SLC12A1: variants seen among roughly 807,000 people sequenced by gnomAD.
SLC12A1 encodes the protein solute carrier family 12 member 1.
A neutral mutation model predicts 130.4 loss-of-function variants in SLC12A1; 89 were observed. The ratio of observed to expected loss-of-function variants is 0.68; its 90% CI spans 0.58 to 0.81. The LOEUF is 0.81. Among genes scored for constraint, SLC12A1 ranks in the 40% least tolerant of loss-of-function variants. The pLI is 0.00. For synonymous variants in SLC12A1, 499 were observed against 460.0 expected (o/e 1.08, Z -1.09); for missense variants, 1,310 against 1,336.4 (o/e 0.98, Z 0.31).
rs147084593 is a variant in SLC12A1 at position 48,269,806 on chromosome 15, C to T, written c.2402+42C>T. ...AAGACGTGTTCTTGTTTATAAAGCA[C>T]TAAGCAGGGCAGTACATAACTTGTA... On this transcript the variant is annotated intron_variant, in intron 19 of 26. Transcript: ENST00000380993. The T allele has an allele frequency of 9.2e-5, 101 of 1,094,356 alleles. No individual in the cohort carries two copies. In the African/African-American group the frequency reaches 1.4e-3, roughly 16 times the overall value. The allele number at this position is 1,094,356 out of a possible 1,614,324, so 67.8% of individuals were successfully genotyped here.
chr15:48,247,107 T>G (rs2041591839), intron 12 of SLC12A1, 91 bp downstream of exon 12: 1 of 1,109,952 alleles, frequency 9.0e-7, no homozygotes, highest in Non-Finnish European at 1.4e-6. Context: ...CTGGCAATCA[T>G]TTTCCATCAT....
chr15:48,301,096 T>C (rs1020158707), intron 25 of SLC12A1, among the ~76,000 whole-genome samples: 5 of 152,244 alleles, frequency 3.3e-5, no homozygotes, highest in African/African-American at 4.8e-5. Context: ...TAAGCCACTA[T>C]AGCACAATGA....
intron 3 of SLC12A1, 57 bp downstream of exon 3, chr15:48,220,822 T>C: frequency 2.5e-6 from 4 of 1,612,018 alleles, no homozygotes; most frequent in Non-Finnish European, 3.4e-6. Context: ...TCTAGTGGAT[T>C]AAGAGTGAAC....
Position 48,249,665 on chromosome 15 carries a change from C to G in SLC12A1, c.1775C>G (p.Ala592Gly). Residue 592 changes from alanine to glycine, a missense_variant, in exon 14 of 27, where the codon GCC (alanine) becomes GGC (glycine). Transcript: ENST00000380993. ...TTCTCCTGCTTCCATGCCTCTTATG[C>G]CAAATCTCCAGGTAAGCTGACTTCC... ...INFSCFHASY[A>G]KSPGWRPAYG... The G allele has an allele frequency of 6.2e-7, 1 of 1,612,044 alleles. No homozygotes were observed. The highest frequency in any genetic ancestry group is 8.5e-7 in the Non-Finnish European group (1 of 1,178,204).
At chr15:48,255,148 T>A (rs1029561729) in intron 15 of SLC12A1, among the ~76,000 whole-genome samples, 4 of 150,548 alleles carry the variant, frequency 2.7e-5, no homozygotes, top group Non-Finnish European at 5.9e-5. Flanking sequence ...CCTTCCAGTT[T>A]AAGAATTTGG....
rs1341677089 is a variant in SLC12A1, at chr15:48,241,373, A to T, written c.1216-142A>T. 7 of 693,934 alleles carry T rather than the reference A, an allele frequency of 1.0e-5. No homozygotes were observed. In the East Asian group the frequency reaches 1.8e-4, roughly 18 times the overall value. 43.0% of individuals were successfully genotyped at this position (693,934 alleles called of 1,614,324 possible). A position where few individuals can be genotyped will look rare whatever the true frequency, so the allele number is the denominator to read the frequency against. On this transcript the variant is annotated intron_variant, in intron 9 of 26. Coordinates refer to ENST00000380993, the MANE Select transcript of SLC12A1 (RefSeq NM_000338.3). ...GTCCAAAATAAAGCTCAAGCTCATC[A>T]ACTTGCTGTTTGCTTGATCTTTTCT...
At chr15:48,262,107 A>G (rs1024760662) in intron 17 of SLC12A1, among the ~76,000 whole-genome samples, 6 of 152,182 alleles carry the variant, frequency 3.9e-5, no homozygotes, top group African/African-American at 1.4e-4. Context: ...ATTACCTTCA[A>G]TAAAAACCTA....
chr15:48,280,890 C>A (rs922723892), intron 20 of SLC12A1, among the ~76,000 whole-genome samples: 1 of 152,112 alleles, frequency 6.6e-6, no homozygotes, highest in African/African-American at 2.4e-5. Flanking sequence ...CTTCACAACT[C>A]TGCACTTGTT....
chr15:48,208,755 C>T (rs1472598013), intron 2 of SLC12A1, among the ~76,000 whole-genome samples: 2 of 152,168 alleles, frequency 1.3e-5, no homozygotes, highest in Admixed American at 6.5e-5. Context: ...GCTGGTTTCA[C>T]GTCAGTATTA....
intron 20 of SLC12A1, among the ~76,000 whole-genome samples, chr15:48,282,918 GT>G (rs776764436): frequency 6.6e-6 from 1 of 152,270 alleles, no homozygotes; most frequent in East Asian, 1.9e-4. Flanking sequence ...TATGAACCCT[GT>G]AACTTGCTGG....
intron 13 of SLC12A1, among the ~76,000 whole-genome samples, chr15:48,247,765 A>G (rs1363284261): frequency 6.6e-6 from 1 of 152,128 alleles, no homozygotes; most frequent in Non-Finnish European, 1.5e-5. Flanking sequence ...CAGCTGCCAT[A>G]TCTACTGACC....
intron 13 of SLC12A1, among the ~76,000 whole-genome samples, 161 bp downstream of exon 13, chr15:48,247,621 C>G (rs557407075): frequency 1.3e-5 from 2 of 152,108 alleles, no homozygotes; most frequent in Non-Finnish European, 2.9e-5. Flanking sequence ...GTGTAGAGGG[C>G]CTTTGAGGAA....
chr15:48,265,139 C>G (rs546841837), intron 17 of SLC12A1, among the ~76,000 whole-genome samples: 9 of 152,268 alleles, frequency 5.9e-5, no homozygotes, highest in South Asian at 2.1e-4. Context: ...TGTATTGCAG[C>G]CTTCCTTGCT....
At chr15:48,301,247 T>C in intron 25 of SLC12A1, 68 bp from the exon 26 acceptor site, 1 of 1,071,172 alleles carries the variant, frequency 9.3e-7, no homozygotes, top group Non-Finnish European at 1.4e-6. Flanking sequence ...GTTCATGATT[T>C]AAGAAAATAA....
Position 48,249,557 on chromosome 15 carries a change from A to G in SLC12A1, c.1685-18A>G, listed in dbSNP as rs1447845398. On this transcript the variant is annotated intron_variant, in intron 13 of 26. Coordinates refer to ENST00000380993, the MANE Select transcript of SLC12A1 (RefSeq NM_000338.3). ...CTCATCACTCATACGTACATGTTCA[A>G]TTCTGTTACTTTTACAGCGGAACTG... 6.3e-7 allele frequency: 1 copy of G among 1,597,716 alleles called. No homozygotes were observed. The highest frequency in any genetic ancestry group is 8.6e-7 in the Non-Finnish European group (1 of 1,165,044).
chr15:48,221,249 T>C (rs961004581), intron 4 of SLC12A1: 30 of 686,756 alleles, frequency 4.4e-5, no homozygotes, highest in South Asian at 4.4e-4. Context: ...GATAGAGTTT[T>C]AGGTACACAG....
intron 17 of SLC12A1, among the ~76,000 whole-genome samples, chr15:48,261,687 A>C (rs2041776897): frequency 6.6e-6 from 1 of 152,214 alleles, no homozygotes; most frequent in African/African-American, 2.4e-5. Flanking sequence ...TTTTTTCCAA[A>C]AGGACAATGG....
intron 8 of SLC12A1, among the ~76,000 whole-genome samples, chr15:48,233,755 G>C (rs2041406878): frequency 6.6e-6 from 1 of 151,846 alleles, no homozygotes; most frequent in African/African-American, 2.4e-5. Flanking sequence ...AAGACTTTCT[G>C]GTTTGCTTTG....
At chr15:48,215,590 C>G (rs920339827) in intron 2 of SLC12A1, among the ~76,000 whole-genome samples, 1 of 152,274 alleles carries the variant, frequency 6.6e-6, no homozygotes, top group Non-Finnish European at 1.5e-5. Context: ...CATGAACCAG[C>G]TGGGAGACTG....
Sources: gnomAD v4.1 joint callset for allele counts (sites outside exome capture counted in the v4.1 genomes callset) on GRCh38, gnomAD v4.1.1 for gene constraint, MANE v1.5 for transcripts, NCBI Gene and HGNC (gene_info 2026-07-23, HGNC 2026-07-21) for gene names.